The following ATP13A1 variants were observed in gnomAD, a reference collection of about 807,000 sequenced individuals.
ATP13A1 encodes the protein ATPase 13A1.
ATP13A1 carries 55 observed loss-of-function variants against 134.8 expected under a neutral mutation model. That is an observed-to-expected ratio of 0.41 (90% CI 0.33 to 0.51). The LOEUF (loss-of-function observed/expected upper bound fraction) is 0.51. Ranked by LOEUF, ATP13A1 falls within the 20% of genes least tolerant of loss-of-function variation. The probability of loss-of-function intolerance (pLI) is 0.29; values close to 1 mark genes in which losing one functional copy is unlikely to be tolerated. For missense variants in ATP13A1, 1,389 were observed against 1,652.8 expected, an observed-to-expected ratio of 0.84 and a Z score of 2.77; for synonymous variants, 775 against 725.1, an observed-to-expected ratio of 1.07 and a Z score of -1.10.
At position 19,656,045 on chromosome 19, in the gene ATP13A1, G is replaced by A; in HGVS notation, c.1213+9C>T. The A allele has an allele frequency of 6.2e-7, 1 of 1,613,454 alleles. No homozygotes were observed. The highest frequency in any genetic ancestry group is 8.5e-7 in the Non-Finnish European group (1 of 1,179,640). ...CCCAGATACCCCCAGACGCCCATGA[G>A]GCACCTACGCTTCAGGCCCGTGGTG... On this transcript the variant is annotated intron_variant, in intron 8 of 25. Transcript: ENST00000357324. This position sits in a 1 kb window ranked among gnomAD's most constrained non-coding sequence, Gnocchi z 4.6.
chr19:19,647,382 G>T lies in ATP13A1; in HGVS notation c.2908+32C>A, dbSNP rs774666237. The T allele has an allele frequency of 1.3e-6, 2 of 1,595,056 alleles. No individual in the cohort carries two copies. The highest frequency in any genetic ancestry group is 1.7e-6 in the Non-Finnish European group (2 of 1,166,730). On this transcript the variant is annotated intron_variant, in intron 21 of 25. Transcript: ENST00000357324. This position sits in a 1 kb window ranked among gnomAD's most constrained non-coding sequence, Gnocchi z 4.8. Reference sequence around the variant, plus strand: ...TGGGTAGGGGTGCCAAGGGGGGAATGAAGGGAGGGGGAGCGGGGGCAGGCA... The same window carrying T: ...TGGGTAGGGGTGCCAAGGGGGGAATTAAGGGAGGGGGAGCGGGGGCAGGCA...
In ATP13A1 at chr19:19,649,547, C is replaced by A. The variant is rs893154965; in HGVS notation, c.2632+20G>T. 2 of 1,610,090 alleles carry A rather than the reference C, an allele frequency of 1.2e-6. No individual in the cohort carries two copies. The highest frequency in any genetic ancestry group is 1.7e-6 in the Non-Finnish European group (2 of 1,178,100). ...CAACACCTCGTCCACAAACGAAATA[C>A]CCTAGCCCACAGCACTCACCCACGT... On this transcript the variant is annotated intron_variant, in intron 19 of 25. Transcript: ENST00000357324.
Position 19,659,942 on chromosome 19 carries a change from G to C in ATP13A1, c.442C>G (p.Pro148Ala), listed in dbSNP as rs141060053. The change falls in exon 2 of 26, where the codon CCC (proline) becomes GCC (alanine). Residue 148 changes from proline (P) to alanine (A), a missense_variant. Pro to Ala is a conservative substitution (Grantham distance 27). This residue lies in a region of ATP13A1 where 293 missense variants were observed against 270.8 expected (regional missense o/e 1.08). Coordinates refer to ENST00000357324, the MANE Select transcript of ATP13A1 (RefSeq NM_020410.3). ...ACGAGCTCCGTGGAGCCATTGTTGG[G>C]GGTTGGCACCACCTTCACAAAGGTC... The part of the protein sequence containing the change: ...KATFVKVVPT[P>A]NNGSTELVAL... The C allele has an allele frequency of 6.3e-7, 1 of 1,586,336 alleles. No homozygotes were observed. Among genetic ancestry groups the C allele is most frequent in the Non-Finnish European group, 8.6e-7 (1 of 1,167,782 alleles).
intron 4 of ATP13A1, 22 bp from the exon 5 acceptor site, chr19:19,657,171 G>A (rs1246790353): frequency 1.3e-6 from 2 of 1,499,510 alleles, no homozygotes; most frequent in African/African-American, 2.8e-5. Context: ...CAGCCTGTCT[G>A]TCCTTGCCCT....
rs1243190160 is a variant in ATP13A1 at position 19,655,462 on chromosome 19, A to ACAG, written c.1397-12_1397-10dup. 6.2e-7 allele frequency: 1 copy of ACAG among 1,613,774 alleles called. No individual in the cohort carries two copies. Among genetic ancestry groups the ACAG allele is most frequent in the African/African-American group, 1.3e-5 (1 of 74,892 alleles). On this transcript the variant is annotated splice_polypyrimidine_tract_variant and intron_variant, in intron 10 of 25. Transcript: ENST00000357324. This position sits in a 1 kb window ranked among gnomAD's most constrained non-coding sequence, Gnocchi z 5.7. ...GCTGGGGTCCTTGGTACCTGTGGAG[A>ACAG]CAGGGCCTGCCAACCTGGAGCCTCG...
At chr19:19,657,551 C>G (rs917707413) in intron 3 of ATP13A1, 143 bp from the exon 4 acceptor site, 15 of 781,730 alleles carry the variant, frequency 1.9e-5, no homozygotes, top group Middle Eastern at 3.8e-4. Flanking sequence ...CCCTGGCGAG[C>G]TTCCAGATAG....
At position 19,647,771 on chromosome 19, in the gene ATP13A1, G is replaced by C; in HGVS notation, c.2633-12C>G. 1 of 1,583,788 alleles carries C rather than the reference G, an allele frequency of 6.3e-7. No individual in the cohort carries two copies. Among genetic ancestry groups the C allele is most frequent in the Non-Finnish European group, 8.5e-7 (1 of 1,171,230 alleles). On this transcript the variant is annotated splice_polypyrimidine_tract_variant and intron_variant, in intron 19 of 25. Transcript: ENST00000357324. This position sits in a 1 kb window ranked among gnomAD's most constrained non-coding sequence, Gnocchi z 4.8. ...CAAGAGCGCCACACCTGGGGGGCAG[G>C]AGGGTGTCAGACCCGGAGGAGCAGG... is the stretch of plus-strand genomic sequence containing the variant.
chr19:19,651,385 T>C (rs1036319517), intron 17 of ATP13A1: 2 of 245,308 alleles, frequency 8.2e-6, no homozygotes, highest in Non-Finnish European at 1.6e-5. Flanking sequence ...ACACTGAGGA[T>C]GGGGAGTAAG....
chr19:19,646,366 T>C lies in ATP13A1; in HGVS notation c.3106-19A>G, dbSNP rs1246101515. On this transcript the variant is annotated intron_variant, in intron 22 of 25. Coordinates refer to ENST00000357324, the MANE Select transcript of ATP13A1 (RefSeq NM_020410.3). ...TGAGGGGCTGCAGCAGCAAGGCGGG[T>C]GGGGGAGTCAGGATCTGGCTCACTT... is the stretch of plus-strand genomic sequence containing the variant. The C allele has an allele frequency of 6.2e-7, 1 of 1,613,088 alleles. No individual in the cohort carries two copies. The highest frequency in any genetic ancestry group is 1.3e-5 in the African/African-American group (1 of 74,832).
rs8111841 is a variant in ATP13A1, at chr19:19,653,698, C to T, written c.2100+86G>A. 7 of 1,243,026 alleles carry T rather than the reference C, an allele frequency of 5.6e-6. No homozygotes were observed. In the African/African-American group the frequency reaches 1.1e-4, roughly 19 times the overall value. 77.0% of individuals were successfully genotyped at this position (1,243,026 alleles called of 1,614,324 possible). On this transcript the variant is annotated intron_variant, in intron 15 of 25. Transcript: ENST00000357324. The surrounding 1 kb of genome is among the most constrained non-coding windows in gnomAD (Gnocchi z 4.2). ...GAGGACAAAATCACAACCATTCAAC[C>T]TGGCACTGTGGGACACAGGAGGTGA...
Position 19,647,701 on chromosome 19 carries a change from C to T in ATP13A1, c.2691G>A (p.Arg897=), listed in dbSNP as rs777759989. ...CACTGTTGCTCAGGGTTGGGCTGTC[C>T]CGGGGCCGCCGTCGCCGCTCGACAA... ...ERVVERRRRP[R]DSPTLSNSGI... The change falls in exon 20 of 26, where the codon CGG becomes CGA. Residue 897 remains arginine (R), a synonymous_variant. Transcript: ENST00000357324. The surrounding 1 kb of genome is among the most constrained non-coding windows in gnomAD (Gnocchi z 4.8). 2.5e-6 allele frequency: 4 copies of T among 1,610,478 alleles called. No individual in the cohort carries two copies. The African/African-American group carries it at 4.0e-5, about 16-fold the overall frequency.
chr19:19,662,264 A>G, intron 1 of ATP13A1: 1 of 1,467,102 alleles, frequency 6.8e-7, no homozygotes, highest in Non-Finnish European at 9.0e-7. Flanking sequence ...TACCACGTTG[A>G]GCTCCTCCCC....
rs553138459 is a variant in ATP13A1 at position 19,646,557 on chromosome 19, C to T, written c.3106-210G>A. 334 of 618,956 alleles carry T rather than the reference C, an allele frequency of 5.4e-4. 1 individual carries two copies. The highest frequency in any genetic ancestry group is 8.2e-4 in the Non-Finnish European group (295 of 359,218). 38.3% of individuals were successfully genotyped at this position (618,956 alleles called of 1,614,324 possible). A position where few individuals can be genotyped will look rare whatever the true frequency, so the allele number is the denominator to read the frequency against. On this transcript the variant is annotated intron_variant, in intron 22 of 25. Coordinates refer to ENST00000357324, the MANE Select transcript of ATP13A1 (RefSeq NM_020410.3). ...AGGGCTGCCTCCCTGGCCCCGGCTC[C>T]GCCATCCAGGCTCCCCATGGCAGCC...
rs546579914 is a variant in ATP13A1 at position 19,656,966 on chromosome 19, C to A, written c.906+28G>T. The A allele has an allele frequency of 8.7e-6, 14 of 1,604,244 alleles. No individual in the cohort carries two copies. In the East Asian group the frequency reaches 2.7e-4, roughly 31 times the overall value. On this transcript the variant is annotated intron_variant, in intron 5 of 25. Transcript: ENST00000357324. The surrounding 1 kb of genome is among the most constrained non-coding windows in gnomAD (Gnocchi z 4.6). The stretch of plus-strand genomic sequence containing the variant: ...CAGAAGCCGCACCTGTGCTGCACCC[C>A]CAACCTGGGTCTCCCTGGCAGCCAC...
chr19:19,651,827 T>G (rs747921610), intron 16 of ATP13A1, 30 bp from the exon 17 acceptor site: 2 of 1,566,836 alleles, frequency 1.3e-6, no homozygotes, highest in South Asian at 2.2e-5. Flanking sequence ...AGGCTCAGCA[T>G]GGCACCCTGG....
chr19:19,650,016 C>G (rs558983305), intron 17 of ATP13A1, 76 bp from the exon 18 acceptor site: 52 of 1,316,592 alleles, frequency 3.9e-5, no homozygotes, highest in Admixed American at 2.3e-4. Flanking sequence ...CACTCGGACC[C>G]CAGCACCAGC....
At chr19:19,661,833 C>T (rs1390263610) in intron 1 of ATP13A1, among the ~76,000 whole-genome samples, 2 of 152,144 alleles carry the variant, frequency 1.3e-5, no homozygotes, top group Non-Finnish European at 2.9e-5. Flanking sequence ...GGTTCATGGG[C>T]CTCCAAAGCA....
Position 19,655,369 on chromosome 19 carries a change from G to A in ATP13A1, c.1481C>T (p.Pro494Leu). 6.2e-7 allele frequency: 1 copy of A among 1,613,984 alleles called. No individual in the cohort carries two copies. Among genetic ancestry groups the A allele is most frequent in the Non-Finnish European group, 8.5e-7 (1 of 1,179,890 alleles). The stretch of plus-strand genomic sequence containing the variant: ...GTTGACGGCCAGGGACAGCTCGATG[G>A]GCAGCTCAGGAGGCACGACCGAGGT... ...ILTSVVPPEL[P>L]IELSLAVNTS... The change falls in exon 11 of 26, where the codon CCC becomes CTC. Residue 494 changes from proline (P) to leucine (L), a missense_variant. Transcript: ENST00000357324. The surrounding 1 kb of genome is among the most constrained non-coding windows in gnomAD (Gnocchi z 5.7).
Position 19,656,764 on chromosome 19 carries a change from G to A in ATP13A1, c.979C>T (p.Arg327Cys), listed in dbSNP as rs2062061113. The stretch of plus-strand genomic sequence containing the variant: ...GGCACCAGGTTCTCCTGTGGGGAGC[G>A]GCCTGCAGGGCAGAGGCAGGAGGGT... ...IVPGDIVSIGRSPQENLVPCD... is the reference protein window; with the variant it reads ...IVPGDIVSIGCSPQENLVPCD... Residue 327 changes from arginine to cysteine, a missense_variant and splice_region_variant, in exon 7 of 26, where the codon CGC becomes TGC. Physicochemically the swap from Arg to Cys is radical, Grantham distance 180. This residue lies in a region of ATP13A1 where 747 missense variants were observed against 956.1 expected (regional missense o/e 0.78). Coordinates refer to ENST00000357324, the MANE Select transcript of ATP13A1 (RefSeq NM_020410.3). This position sits in a 1 kb window ranked among gnomAD's most constrained non-coding sequence, Gnocchi z 4.6. 5 of 1,613,516 alleles carry A rather than the reference G, an allele frequency of 3.1e-6. No homozygotes were observed. The highest frequency in any genetic ancestry group is 2.2e-5 in the East Asian group (1 of 44,890).
Sources: gnomAD v4.1 joint callset for allele counts (sites outside exome capture counted in the v4.1 genomes callset) on GRCh38, gnomAD v4.1.1 for gene constraint, gnomAD v4.1.1 regional missense constraint, Gnocchi (gnomAD v3.1) non-coding constraint, MANE v1.5 for transcripts, NCBI Gene and HGNC (gene_info 2026-07-23, HGNC 2026-07-21) for gene names.